Variants in STPG4 observed in about 807,000 individuals in gnomAD.
The protein encoded by STPG4 is protein STPG4.
STPG4 carries 41 observed loss-of-function variants against 31.5 expected under a neutral mutation model. That is an observed-to-expected ratio of 1.30 (90% CI 1.01 to 1.69). The LOEUF (loss-of-function observed/expected upper bound fraction) is 1.69, where lower values mean the gene tolerates loss of function less well. Ranked by LOEUF, STPG4 falls within the 40% of genes most tolerant of loss-of-function variation. The pLI is 0.00. For missense variants in STPG4, 375 were observed against 293.4 expected (o/e 1.28, Z -2.03); for synonymous variants, 141 against 103.0 (o/e 1.37, Z -2.24).
intron 5 of STPG4, among the ~76,000 whole-genome samples, chr2:47,110,400 C>T (rs1228050914): frequency 6.6e-6 from 1 of 152,200 alleles, no homozygotes; most frequent in Non-Finnish European, 1.5e-5. Flanking sequence ...TTGAGACCAG[C>T]CTGGCCAGCA....
rs757749213 is a variant in STPG4, at chr2:47,127,355, G to A, written c.519+2586C>T. Among the ~76,000 whole-genome samples the A allele has an allele frequency of 1.3e-4, 17 of 133,556 alleles. 1 individual carries two copies. Among genetic ancestry groups the A allele is most frequent in the Middle Eastern group, 8.8e-3 (2 of 226 alleles). The allele number at this position is 133,556 out of a possible 152,430, so 87.6% of individuals were successfully genotyped here. ...ACAATCTTGGCTCACTGCAAGCTCC[G>A]CCTCCCAGGTTCAAGCGATTCTCAT... On this transcript the variant is annotated intron_variant, in intron 5 of 6. Coordinates refer to ENST00000445927, the MANE Select transcript of STPG4 (RefSeq NM_001163561.2).
chr2:47,095,572 T>C (rs1055157415), intron 5 of STPG4, among the ~76,000 whole-genome samples: 4 of 152,214 alleles, frequency 2.6e-5, no homozygotes, highest in Admixed American at 2.6e-4. Flanking sequence ...TGGTACTTTG[T>C]TATGGCAGCC....
At chr2:47,130,103 A>C (rs1231535202) in intron 4 of STPG4, 93 bp downstream of exon 4, 4 of 1,470,672 alleles carry the variant, frequency 2.7e-6, no homozygotes, top group Non-Finnish European at 3.8e-6. Context: ...GTTAATTTGC[A>C]TATGAGGTGC....
intron 3 of STPG4, among the ~76,000 whole-genome samples, chr2:47,149,298 C>T (rs780680986): frequency 6.6e-6 from 1 of 152,168 alleles, no homozygotes; most frequent in African/African-American, 2.4e-5. Context: ...GTAACTCCAT[C>T]CTTGTACGTT....
Position 47,143,810 on chromosome 2 carries a change from G to A in STPG4, c.399+7448C>T, listed in dbSNP as rs554612484. ...GCCACCCTTTGCTCATTTTTAACCG[G>A]AATATTTATTACAATTGGATTGTAA... On this transcript the variant is annotated intron_variant, in intron 3 of 6. Coordinates refer to ENST00000445927, the MANE Select transcript of STPG4 (RefSeq NM_001163561.2). Among the ~76,000 whole-genome samples the A allele has an allele frequency of 1.1e-4, 17 of 152,122 alleles. 1 individual carries two copies. In the South Asian group the frequency reaches 2.1e-3, roughly 19 times the overall value.
At chr2:47,092,559 G>C (rs1442020921) in intron 5 of STPG4, among the ~76,000 whole-genome samples, 1 of 110,364 alleles carries the variant, frequency 9.1e-6, no homozygotes, top group East Asian at 3.4e-4. Flanking sequence ...AAAGGGAGGG[G>C]AGGGAGAAGG....
At chr2:47,116,751 T>C (rs1237487873) in intron 5 of STPG4, among the ~76,000 whole-genome samples, 1 of 152,188 alleles carries the variant, frequency 6.6e-6, no homozygotes, top group African/African-American at 2.4e-5. Context: ...TGATCAATAT[T>C]TTCCTCATTT....
At chr2:47,135,639 G>A (rs920576012) in intron 3 of STPG4, among the ~76,000 whole-genome samples, 7 of 152,102 alleles carry the variant, frequency 4.6e-5, no homozygotes, top group South Asian at 2.1e-4. Context: ...CATCTGCCTC[G>A]GCCTCCCAAA....
Position 47,129,001 on chromosome 2 carries a change from T to C in STPG4, c.519+940A>G, listed in dbSNP as rs557594305. 5 of 152,418 alleles carry C rather than the reference T, an allele frequency of 3.3e-5. No homozygotes were observed. In the East Asian group the frequency reaches 5.8e-4, roughly 18 times the overall value. 9.4% of individuals were successfully genotyped at this position (152,418 alleles called of 1,614,324 possible). A position where few individuals can be genotyped will look rare whatever the true frequency, so the allele number is the denominator to read the frequency against. On this transcript the variant is annotated intron_variant, in intron 5 of 6. Transcript: ENST00000445927. ...GGCTCTTTAGTCAGTAGGTGATGAA[T>C]CTTGCCAGAACTGGGTCCTTCTCTT...
At chr2:47,134,665 A>G (rs1249164435) in intron 3 of STPG4, among the ~76,000 whole-genome samples, 4 of 152,250 alleles carry the variant, frequency 2.6e-5, no homozygotes, top group African/African-American at 9.6e-5. Flanking sequence ...TGCTATAAAC[A>G]TCCATGTGCA....
intron 5 of STPG4, chr2:47,129,143 G>A (rs1415207022): frequency 6.6e-6 from 1 of 152,122 alleles, no homozygotes. Flanking sequence ...CTGTGGCTGA[G>A]CTGGTATCCA....
At chr2:47,120,068 T>A (rs1482605635) in intron 5 of STPG4, among the ~76,000 whole-genome samples, 1 of 152,160 alleles carries the variant, frequency 6.6e-6, no homozygotes, top group African/African-American at 2.4e-5. Flanking sequence ...CGGTGGCTCA[T>A]GCCTGTAATC....
At chr2:47,119,837 C>A (rs916878536) in intron 5 of STPG4, among the ~76,000 whole-genome samples, 1 of 152,130 alleles carries the variant, frequency 6.6e-6, no homozygotes. Context: ...CAGTGGCTTG[C>A]AGGTAAGAAT....
chr2:47,096,686 T>G (rs1410555648), intron 5 of STPG4, among the ~76,000 whole-genome samples: 1 of 152,128 alleles, frequency 6.6e-6, no homozygotes, highest in African/African-American at 2.4e-5. Flanking sequence ...AAAAGTCAAA[T>G]CCACAAATAT....
chr2:47,113,470 G>C (rs748795527), intron 5 of STPG4, among the ~76,000 whole-genome samples: 1 of 152,048 alleles, frequency 6.6e-6, no homozygotes, highest in South Asian at 2.1e-4. Context: ...ACACTAATTA[G>C]AATGCATAGC....
intron 3 of STPG4, among the ~76,000 whole-genome samples, chr2:47,142,457 A>AT (rs932401931): frequency 1.3e-5 from 2 of 152,168 alleles, no homozygotes; most frequent in African/African-American, 2.4e-5. Context: ...AAATAAGAGA[A>AT]TTTTTTTAAA....
intron 3 of STPG4, among the ~76,000 whole-genome samples, chr2:47,134,488 C>T (rs578063150): frequency 1.3e-5 from 2 of 152,290 alleles, no homozygotes; most frequent in Admixed American, 6.5e-5. Flanking sequence ...TCTTTCACTT[C>T]GTGATATGCA....
At chr2:47,112,189 C>T (rs4953465) in intron 5 of STPG4, among the ~76,000 whole-genome samples, 1 of 151,928 alleles carries the variant, frequency 6.6e-6, no homozygotes, top group Non-Finnish European at 1.5e-5. Context: ...GTTTTTGAGA[C>T]GGAGTCTTGC....
Position 47,100,342 on chromosome 2 carries a change from C to T in STPG4, c.520-9968G>A, listed in dbSNP as rs372364890. 1.1e-3 allele frequency among the ~76,000 whole-genome samples: 168 copies of T among 150,370 alleles called. 4 individuals are homozygous for T. The South Asian group carries it at 0.036, about 32-fold the overall frequency. On this transcript the variant is annotated intron_variant, in intron 5 of 6. Coordinates refer to ENST00000445927, the MANE Select transcript of STPG4 (RefSeq NM_001163561.2). ...CAGGGTTTGTGAATGCACCAATCCA[C>T]ACTCTGTATCTAGCTACTCTGGTGG...
Sources: allele counts gnomAD v4.1 joint callset (sites outside exome capture counted in the v4.1 genomes callset), GRCh38; gene constraint gnomAD v4.1.1; transcripts MANE v1.5; gene names NCBI Gene and HGNC (gene_info 2026-07-23, HGNC 2026-07-21).